Variants in C1QL1 observed in about 807,000 individuals in gnomAD.
The protein encoded by C1QL1 is C1q-related factor.
C1QL1 carries 15 observed loss-of-function variants against 14.2 expected under a neutral mutation model. That is an observed-to-expected ratio of 1.06 (90% CI 0.71 to 1.62). The LOEUF (loss-of-function observed/expected upper bound fraction) is 1.62. Among genes scored for constraint, C1QL1 ranks in the 40% most tolerant of loss-of-function variants. The probability of loss-of-function intolerance (pLI) is 0.00; values close to 1 mark genes in which losing one functional copy is unlikely to be tolerated. For missense variants in C1QL1, 346 were observed against 380.3 expected (o/e 0.91, Z 0.75); for synonymous variants, 172 against 172.4 (o/e 1.00, Z 0.02).
chr17:44,965,820 G>T (rs3024276), intron 1 of C1QL1, among the ~76,000 whole-genome samples: 47 of 152,364 alleles, frequency 3.1e-4, no homozygotes, highest in African/African-American at 1.1e-3. Context: ...CCTCAGCTCT[G>T]TGTCAGCCCA....
chr17:44,961,910 A>AAGAGAGAGAGAG (rs1279714342), intron 1 of C1QL1, among the ~76,000 whole-genome samples: 34 of 129,756 alleles, frequency 2.6e-4, no homozygotes, highest in Non-Finnish European at 4.1e-4. Context: ...AAAAAAAAAA[A>AAGAGAGAGAGAG]AGAGAGAGAG....
At chr17:44,961,885 T>C (rs1597909102) in intron 1 of C1QL1, among the ~76,000 whole-genome samples, 1 of 115,220 alleles carries the variant, frequency 8.7e-6, no homozygotes, top group East Asian at 2.4e-4. Context: ...AGAGCGAGAC[T>C]CCGTCTCAAA....
chr17:44,963,375 A>G (rs1597909618), intron 1 of C1QL1, among the ~76,000 whole-genome samples: 1 of 151,768 alleles, frequency 6.6e-6, no homozygotes, highest in East Asian at 1.9e-4. Context: ...GCCAGAAAGG[A>G]TAGCCAGGGG....
rs1053802933 is a variant in C1QL1 at position 44,959,792 on chromosome 17, C to G, written c.*396G>C. ...GAAGCTATCCAGCCCCCAACTCCCC[C>G]CTCCCCCGGGCGCGCCACCCCGGAG... On this transcript the variant is annotated 3_prime_UTR_variant, in exon 2 of 2. Transcript: ENST00000253407. 4.1e-5 allele frequency: 8 copies of G among 196,802 alleles called. No individual in the cohort carries two copies. The highest frequency in any genetic ancestry group is 1.8e-4 in the Admixed American group (3 of 16,858). The allele number at this position is 196,802 out of a possible 1,614,324, so 12.2% of individuals were successfully genotyped here.
chr17:44,961,242 C>T (rs1215695135), intron 1 of C1QL1, among the ~76,000 whole-genome samples: 1 of 152,154 alleles, frequency 6.6e-6, no homozygotes, highest in Non-Finnish European at 1.5e-5. Context: ...AAGGGAGCAC[C>T]AGCATTTGGG....
intron 1 of C1QL1, among the ~76,000 whole-genome samples, chr17:44,961,591 CA>C (rs11447802): frequency 5.2e-4 from 66 of 127,724 alleles, no homozygotes; most frequent in East Asian, 1.2e-3. Flanking sequence ...GACTCAGTCT[CA>C]AAAAAAAAAA....
chr17:44,964,868 T>C (rs996088254), intron 1 of C1QL1, among the ~76,000 whole-genome samples: 1 of 151,348 alleles, frequency 6.6e-6, no homozygotes, highest in African/African-American at 2.4e-5. Context: ...TGAGACAGAG[T>C]CTCACTCTGT....
chr17:44,960,060 G>T lies in C1QL1; in HGVS notation c.*128C>A, dbSNP rs780709156. ...CTGTGGCCCAGGCGGTGTTGAGCACGGGCCGGGGGCGTCATAGCCGGGGAG... is the reference window on the plus strand; with the variant it reads ...CTGTGGCCCAGGCGGTGTTGAGCACTGGCCGGGGGCGTCATAGCCGGGGAG... On this transcript the variant is annotated 3_prime_UTR_variant, in exon 2 of 2. Coordinates refer to ENST00000253407, the MANE Select transcript of C1QL1 (RefSeq NM_006688.5). 11 of 828,838 alleles carry T rather than the reference G, an allele frequency of 1.3e-5. No individual in the cohort carries two copies. Among genetic ancestry groups the T allele is most frequent in the Non-Finnish European group, 2.2e-5 (11 of 498,120 alleles). 51.3% of individuals were successfully genotyped at this position (828,838 alleles called of 1,614,324 possible). A position where few individuals can be genotyped will look rare whatever the true frequency, so the allele number is the denominator to read the frequency against.
intron 1 of C1QL1, among the ~76,000 whole-genome samples, chr17:44,964,144 G>A (rs2052643447): frequency 6.6e-6 from 1 of 152,200 alleles, no homozygotes; most frequent in African/African-American, 2.4e-5. Flanking sequence ...CATGAAGGTG[G>A]TGCTCCCCAT....
chr17:44,960,387 G>T lies in C1QL1; in HGVS notation c.598-20C>A. 9 of 1,590,822 alleles carry T rather than the reference G, an allele frequency of 5.7e-6. No individual in the cohort carries two copies. The highest frequency in any genetic ancestry group is 7.8e-6 in the Non-Finnish European group (9 of 1,159,914). On this transcript the variant is annotated intron_variant, in intron 1 of 1. Coordinates refer to ENST00000253407, the MANE Select transcript of C1QL1 (RefSeq NM_006688.5). ...CCGCACCTGCGGGTGGGGGACACGG[G>T]AGGGAGGGCGAGAGGAGAGAGAGGA...
chr17:44,962,462 G>C (rs1457340124), intron 1 of C1QL1, among the ~76,000 whole-genome samples: 2 of 152,204 alleles, frequency 1.3e-5, no homozygotes, highest in Non-Finnish European at 2.9e-5. Flanking sequence ...ATAAATGAAG[G>C]GGGAGATGCT....
Position 44,960,534 on chromosome 17 carries a change from G to A in C1QL1, c.598-167C>T, listed in dbSNP as rs77429867. On this transcript the variant is annotated intron_variant, in intron 1 of 1. Transcript: ENST00000253407. Reference sequence around the variant, plus strand: ...CCCCCGCCCCCTTCCAATCATACAGGACTTGTTTCAGGAAAGGGGCAGAGA... The same window carrying A: ...CCCCCGCCCCCTTCCAATCATACAGAACTTGTTTCAGGAAAGGGGCAGAGA... Among the ~76,000 whole-genome samples the A allele has an allele frequency of 4.9e-3, 743 of 152,306 alleles. 8 individuals are homozygous for A. Among genetic ancestry groups the A allele is most frequent in the African/African-American group, 0.017 (708 of 41,562 alleles).
At chr17:44,965,313 A>G (rs1038444581) in intron 1 of C1QL1, among the ~76,000 whole-genome samples, 2 of 148,618 alleles carry the variant, frequency 1.3e-5, no homozygotes, top group Non-Finnish European at 3.0e-5. Context: ...TGCCTGGCCT[A>G]ATGTTTGTAT....
At position 44,967,535 on chromosome 17, in the gene C1QL1, CG is replaced by C; in HGVS notation, c.513del (p.Gly172AlafsTer49). 1 of 1,614,064 alleles carries C rather than the reference CG, an allele frequency of 6.2e-7. No individual in the cohort carries two copies. The highest frequency in any genetic ancestry group is 1.7e-5 in the Admixed American group (1 of 60,026). The part of the protein sequence containing the change: ...AASGKFTCNI[P>X]GTYFFTYHVL... ...ACATGGTAGGTGAAAAAGTAGGTGC[CG>C]GGAATGTTGCACGTAAACTTGCCGC... On this transcript the variant is annotated frameshift_variant, in exon 1 of 2. Coordinates refer to ENST00000253407, the MANE Select transcript of C1QL1 (RefSeq NM_006688.5). LOFTEE classifies it high-confidence loss of function. This position sits in a 1 kb window ranked among gnomAD's most constrained non-coding sequence, Gnocchi z 7.0.
In C1QL1 at chr17:44,960,178, C is replaced by T. The variant is rs750642346; in HGVS notation, c.*10G>A. 6 of 1,613,028 alleles carry T rather than the reference C, an allele frequency of 3.7e-6. No homozygotes were observed. In the South Asian group the frequency reaches 6.6e-5, roughly 18 times the overall value. On this transcript the variant is annotated 3_prime_UTR_variant, in exon 2 of 2. Transcript: ENST00000253407. ...GGTGAGGGACGTGGGTGGAGGGAGA[C>T]GTGGGGAGCTCAGTCGGAGTAGATG... is the stretch of plus-strand genomic sequence containing the variant.
chr17:44,960,765 C>G (rs2043068663), intron 1 of C1QL1, among the ~76,000 whole-genome samples: 1 of 152,234 alleles, frequency 6.6e-6, no homozygotes, highest in Non-Finnish European at 1.5e-5. Flanking sequence ...TCATTCCTTC[C>G]TCTCTGCTTT....
In C1QL1 at chr17:44,959,897, A is replaced by T; in HGVS notation, c.*291T>A. 3.4e-6 allele frequency: 1 copy of T among 298,052 alleles called. No homozygotes were observed. 18.5% of individuals were successfully genotyped at this position (298,052 alleles called of 1,614,324 possible). On this transcript the variant is annotated 3_prime_UTR_variant, in exon 2 of 2. Transcript: ENST00000253407. The stretch of plus-strand genomic sequence containing the variant: ...TCTCCCCAGGCTGGGGTGGGCTGGC[A>T]GGCGGAGGTGGGCAGTAAACAGTCC...
rs1175257128 is a variant in C1QL1 at position 44,967,203 on chromosome 17, C to T, written c.597+249G>A. 6.6e-6 allele frequency among the ~76,000 whole-genome samples: 1 copy of T among 152,272 alleles called. No individual in the cohort carries two copies. Among genetic ancestry groups the T allele is most frequent in the Non-Finnish European group, 1.5e-5 (1 of 68,044 alleles). On this transcript the variant is annotated intron_variant, in intron 1 of 1. Coordinates refer to ENST00000253407, the MANE Select transcript of C1QL1 (RefSeq NM_006688.5). This position sits in a 1 kb window ranked among gnomAD's most constrained non-coding sequence, Gnocchi z 7.0. ...TCTGACTAGTTGGGTTCATTTCCCG[C>T]ATTTCCAGTAGCGTTCCAGACGGTG...
chr17:44,966,755 ACCACCCC>A (rs1472277920), intron 1 of C1QL1, among the ~76,000 whole-genome samples: 2 of 136,978 alleles, frequency 1.5e-5, no homozygotes, highest in Admixed American at 7.2e-5. Flanking sequence ...CATCTCTTCC[ACCACCCC>A]CCACCCCCCA....
Sources: gnomAD v4.1 joint callset for allele counts (sites outside exome capture counted in the v4.1 genomes callset) on GRCh38, gnomAD v4.1.1 for gene constraint, Gnocchi (gnomAD v3.1) non-coding constraint, MANE v1.5 for transcripts, NCBI Gene and HGNC (gene_info 2026-07-23, HGNC 2026-07-21) for gene names.